CDH24: variants seen among roughly 807,000 people sequenced by gnomAD.
CDH24 encodes cadherin-24.
A neutral mutation model predicts 71.2 loss-of-function variants in CDH24; 61 were observed. The observed-to-expected ratio is 0.86, with a 90% CI of 0.70 to 1.06. The LOEUF is 1.06. CDH24 is among the 50% of genes least tolerant of loss of function. The probability of loss-of-function intolerance (pLI) is 0.00; values close to 1 mark genes in which losing one functional copy is unlikely to be tolerated. For synonymous variants in CDH24, 440 were observed against 470.2 expected (o/e 0.94, Z 0.83); for missense variants, 961 against 1,083.7 (o/e 0.89, Z 1.59).
chr14:23,055,636 TC>T lies in CDH24; in HGVS notation c.97del (p.Glu33AsnfsTer51). 1.2e-6 allele frequency: 2 copies of T among 1,612,750 alleles called. No homozygotes were observed. Among genetic ancestry groups the T allele is most frequent in the Non-Finnish European group, 1.7e-6 (2 of 1,179,660 alleles). Reference protein sequence around the residue: ...APARAWAGSREHPGPALLRTR... With the variant: ...APARAWAGSRXHPGPALLRTR... ...CCGCAGCAGAGCAGGCCCTGGGTGT[TC>T]CCGGGACCCTGCCCAGGCCCGGGCT... is the stretch of plus-strand genomic sequence containing the variant. On this transcript the variant is annotated frameshift_variant, in exon 2 of 13. Coordinates refer to ENST00000487137, the MANE Select transcript of CDH24 (RefSeq NM_144985.4). LOFTEE classifies it high-confidence loss of function. This position sits in a 1 kb window ranked among gnomAD's most constrained non-coding sequence, Gnocchi z 4.1.
At chr14:23,050,062 G>C (rs879304262) in intron 8 of CDH24, 119 bp from the exon 9 acceptor site, 6 of 1,356,926 alleles carry the variant, frequency 4.4e-6, no homozygotes, top group Non-Finnish European at 6.1e-6. Context: ...AGAAACACAT[G>C]AAATATGCAT....
chr14:23,048,588 G>T, intron 11 of CDH24, 109 bp from the exon 12 acceptor site: 2 of 1,096,342 alleles, frequency 1.8e-6, no homozygotes, highest in Non-Finnish European at 2.6e-6. Flanking sequence ...TGTGCTTAGG[G>T]GCTGACATCT....
rs532203503 is a variant in CDH24 at position 23,054,495 on chromosome 14, T to C, written c.784+11A>G. On this transcript the variant is annotated intron_variant, in intron 5 of 12. Transcript: ENST00000487137. This position sits in a 1 kb window ranked among gnomAD's most constrained non-coding sequence, Gnocchi z 5.2. ...CAAAGGATGGCTCAGGTGGCAGCAA[T>C]GGCCCCTTACTCTGTGGGAACTTGG... is the stretch of plus-strand genomic sequence containing the variant. 1.9e-6 allele frequency: 3 copies of C among 1,609,518 alleles called. No homozygotes were observed. Among genetic ancestry groups the C allele is most frequent in the African/African-American group, 2.7e-5 (2 of 74,976 alleles).
At position 23,047,944 on chromosome 14, in the gene CDH24, C is replaced by A. The variant is rs1286338812; in HGVS notation, c.*36G>T. 9.9e-7 allele frequency: 1 copy of A among 1,009,966 alleles called. No individual in the cohort carries two copies. Among genetic ancestry groups the A allele is most frequent in the Middle Eastern group, 3.8e-4 (1 of 2,610 alleles). 62.6% of individuals were successfully genotyped at this position (1,009,966 alleles called of 1,614,324 possible). A position where few individuals can be genotyped will look rare whatever the true frequency, so the allele number is the denominator to read the frequency against. ...TCACTCAGAGGGCCTGTGCCCGCTG[C>A]CCCCCCCCCGCGGTGGGCCGGGCCA... On this transcript the variant is annotated 3_prime_UTR_variant, in exon 12 of 13. Transcript: ENST00000487137.
rs2047109138 is a variant in CDH24 at position 23,054,394 on chromosome 14, C to T, written c.785-66G>A. 6.5e-7 allele frequency: 1 copy of T among 1,548,326 alleles called. No individual in the cohort carries two copies. The highest frequency in any genetic ancestry group is 2.3e-5 in the East Asian group (1 of 44,286). ...CCAGCCCTCCTCCCTCCCCACAGCA[C>T]TTTATTCTCCCAGGATCTGGCTGGG... On this transcript the variant is annotated intron_variant, in intron 5 of 12. Coordinates refer to ENST00000487137, the MANE Select transcript of CDH24 (RefSeq NM_144985.4). The surrounding 1 kb of genome is among the most constrained non-coding windows in gnomAD (Gnocchi z 5.2).
chr14:23,049,425 C>A (rs1286861579), intron 10 of CDH24, 150 bp from the exon 11 acceptor site: 2 of 796,866 alleles, frequency 2.5e-6, no homozygotes, highest in Non-Finnish European at 3.9e-6. Flanking sequence ...ATAGAGCCAG[C>A]CCATAGGTCC....
intron 10 of CDH24, 87 bp downstream of exon 10, chr14:23,049,540 C>A: frequency 1.2e-6 from 1 of 834,478 alleles, no homozygotes; most frequent in Non-Finnish European, 1.9e-6. Context: ...GCAGGTGGGG[C>A]AGGGGTCAGG....
At chr14:23,056,957 C>T (rs2047138717) in intron 1 of CDH24, among the ~76,000 whole-genome samples, 1 of 150,262 alleles carries the variant, frequency 6.7e-6, no homozygotes, top group South Asian at 2.1e-4. Context: ...AGGCTGGGGA[C>T]CAGAGAGAAG....
At chr14:23,050,582 T>C (rs1021410043) in intron 8 of CDH24, among the ~76,000 whole-genome samples, 1 of 151,880 alleles carries the variant, frequency 6.6e-6, no homozygotes, top group East Asian at 1.9e-4. Flanking sequence ...GCATCACTTA[T>C]CTTGGGTAGA....
Position 23,049,207 on chromosome 14 carries a change from T to C in CDH24, c.1666A>G (p.Ile556Val). The change falls in exon 11 of 13, where the codon ATA (isoleucine) becomes GTA (valine). Residue 556 changes from isoleucine (I) to valine (V), a missense_variant. Physicochemically the swap from Ile to Val is conservative, Grantham distance 29. Transcript: ENST00000487137. The part of the protein sequence containing the change: ...PPRHAPYLVP[I>V]ELWDWGQPAL... The stretch of plus-strand genomic sequence containing the variant: ...GGCTGCCCCCAGTCCCACAGTTCTA[T>C]GGGAACCAAGTAGGGGGCATGGCGG... 6.3e-7 allele frequency: 1 copy of C among 1,575,520 alleles called. No individual in the cohort carries two copies. Among genetic ancestry groups the C allele is most frequent in the Non-Finnish European group, 8.6e-7 (1 of 1,159,834 alleles).
rs767559098 is a variant in CDH24, at chr14:23,049,084, C to T, written c.1789G>A (p.Ala597Thr). ...SCWPEAHLSA[A>T]GLSTGALLAI... ...AGCAGGGCGCCGGTGCTGAGCCCAG[C>T]AGCTGAGAGGTGAGCCTCAGGCCAG... The change falls in exon 11 of 13, where the codon GCT becomes ACT. Residue 597 changes from alanine to threonine, a missense_variant. Ala to Thr is a moderately conservative substitution (Grantham distance 58). This residue lies in a region of CDH24 where 671 missense variants were observed against 810.9 expected (regional missense o/e 0.83). Coordinates refer to ENST00000487137, the MANE Select transcript of CDH24 (RefSeq NM_144985.4). The T allele has an allele frequency of 2.9e-5, 47 of 1,612,132 alleles. No homozygotes were observed. Among genetic ancestry groups the T allele is most frequent in the Non-Finnish European group, 3.9e-5 (46 of 1,179,598 alleles).
Position 23,047,958 on chromosome 14 carries a change from T to A in CDH24, c.*22A>T. On this transcript the variant is annotated 3_prime_UTR_variant, in exon 12 of 13. Coordinates refer to ENST00000487137, the MANE Select transcript of CDH24 (RefSeq NM_144985.4). ...TGTGCCCGCTGCCCCCCCCCCGCGG[T>A]GGGCCGGGCCAGCCCGGGCGCTCAG... 2 of 1,281,376 alleles carry A rather than the reference T, an allele frequency of 1.6e-6. No homozygotes were observed. Among genetic ancestry groups the A allele is most frequent in the Non-Finnish European group, 2.0e-6 (2 of 1,015,914 alleles). The allele number at this position is 1,281,376 out of a possible 1,614,324, so 79.4% of individuals were successfully genotyped here.
rs1353848783 is a variant in CDH24 at position 23,051,212 on chromosome 14, C to T, written c.1363+1261G>A. 6.6e-6 allele frequency among the ~76,000 whole-genome samples: 1 copy of T among 152,158 alleles called. No homozygotes were observed. The highest frequency in any genetic ancestry group is 2.4e-5 in the African/African-American group (1 of 41,410). On this transcript the variant is annotated intron_variant, in intron 8 of 12. Coordinates refer to ENST00000487137, the MANE Select transcript of CDH24 (RefSeq NM_144985.4). The surrounding 1 kb of genome is among the most constrained non-coding windows in gnomAD (Gnocchi z 4.4). ...ATGTATAGAAACATAAACCTAGACA[C>T]ATAGCATTAAACACATTTGAGAGGC...
rs893739993 is a variant in CDH24 at position 23,054,040 on chromosome 14, A to T, written c.972+101T>A. Reference sequence around the variant, plus strand: ...GTGACCATGATCTCTAAGCTCCAACAGAGAGATCCTGAGTCTGTTCTAGAA... The same window carrying T: ...GTGACCATGATCTCTAAGCTCCAACTGAGAGATCCTGAGTCTGTTCTAGAA... On this transcript the variant is annotated intron_variant, in intron 6 of 12. Transcript: ENST00000487137. The surrounding 1 kb of genome is among the most constrained non-coding windows in gnomAD (Gnocchi z 5.2). 7.9e-6 allele frequency: 10 copies of T among 1,272,350 alleles called. No homozygotes were observed. Among genetic ancestry groups the T allele is most frequent in the Non-Finnish European group, 8.6e-6 (8 of 927,234 alleles). 78.8% of individuals were successfully genotyped at this position (1,272,350 alleles called of 1,614,324 possible). A position where few individuals can be genotyped will look rare whatever the true frequency, so the allele number is the denominator to read the frequency against.
intron 8 of CDH24, chr14:23,052,170 G>A: frequency 3.6e-6 from 3 of 823,918 alleles, no homozygotes; most frequent in East Asian, 2.7e-5. Context: ...GTTGGGGCAA[G>A]TCAGGTAAGG....
intron 1 of CDH24, among the ~76,000 whole-genome samples, chr14:23,056,818 C>G (rs1426345052): frequency 6.6e-6 from 1 of 151,802 alleles, no homozygotes; most frequent in Non-Finnish European, 1.5e-5. Flanking sequence ...ACCCTTCCCA[C>G]TGCTCTCCTT....
In CDH24 at chr14:23,047,990, G is replaced by A. The variant is rs1248571819; in HGVS notation, c.2336C>T (p.Pro779Leu). 2.9e-6 allele frequency: 4 copies of A among 1,357,074 alleles called. No homozygotes were observed. The highest frequency in any genetic ancestry group is 1.7e-5 in the South Asian group (1 of 60,024). 84.1% of individuals were successfully genotyped at this position (1,357,074 alleles called of 1,614,324 possible). The change falls in exon 12 of 13, where the codon CCG (proline) becomes CTG (leucine). Residue 779 changes from proline (P) to leucine (L), a missense_variant. Physicochemically the swap from Pro to Leu is moderately conservative, Grantham distance 98. This residue lies in a region of CDH24 where 290 missense variants were observed against 272.8 expected (regional missense o/e 1.06). Transcript: ENST00000487137. ...LAELYGAKEP[P>L]AP ...GGCCAGCCCGGGCGCTCAGGGGGCCGGGGGCTCCTTGGCCCCATACAGCTC... is the reference window on the plus strand; with the variant it reads ...GGCCAGCCCGGGCGCTCAGGGGGCCAGGGGCTCCTTGGCCCCATACAGCTC...
chr14:23,054,445 C>T lies in CDH24; in HGVS notation c.784+61G>A, dbSNP rs897356161. The T allele has an allele frequency of 2.5e-6, 4 of 1,573,192 alleles. No individual in the cohort carries two copies. In the African/African-American group the frequency reaches 5.4e-5, roughly 21 times the overall value. On this transcript the variant is annotated intron_variant, in intron 5 of 12. Transcript: ENST00000487137. The surrounding 1 kb of genome is among the most constrained non-coding windows in gnomAD (Gnocchi z 5.2). ...GAGGAGGCGAGGAGGGAAGGTTTCTCCAGACACTGTAGGGGTGGGGTGATC... is the reference window on the plus strand; with the variant it reads ...GAGGAGGCGAGGAGGGAAGGTTTCTTCAGACACTGTAGGGGTGGGGTGATC...
chr14:23,049,399 A>C (rs1480565569), intron 10 of CDH24, 124 bp from the exon 11 acceptor site: 2 of 939,640 alleles, frequency 2.1e-6, no homozygotes, highest in Non-Finnish European at 3.1e-6. Context: ...GGTCCAGCCC[A>C]TAGAGCCAGC....
Sources: allele counts gnomAD v4.1 joint callset (sites outside exome capture counted in the v4.1 genomes callset), GRCh38; gene constraint gnomAD v4.1.1; regional missense constraint gnomAD v4.1.1; non-coding constraint Gnocchi (gnomAD v3.1); transcripts MANE v1.5; gene names NCBI Gene and HGNC (gene_info 2026-07-23, HGNC 2026-07-21).